Variants in CACNA1B observed in about 807,000 individuals in gnomAD.
CACNA1B encodes voltage-dependent N-type calcium channel subunit alpha-1B.
In CACNA1B, 70 loss-of-function variants were observed where a neutral mutation model predicts 247.2. That is an observed-to-expected ratio of 0.28 (90% confidence interval 0.23 to 0.35). The LOEUF is 0.35. Among genes scored for constraint, CACNA1B ranks in the 10% least tolerant of loss-of-function variants. CACNA1B has a pLI of 1.00. For missense variants in CACNA1B, 2,367 were observed against 3,197.4 expected (o/e 0.74, Z 6.26); for synonymous variants, 1,231 against 1,294.4 (o/e 0.95, Z 1.05).
chr9:138,070,589 T>G (rs1162309451), intron 32 of CACNA1B, among the ~76,000 whole-genome samples: 1 of 152,234 alleles, frequency 6.6e-6, no homozygotes, highest in Non-Finnish European at 1.5e-5. Context: ...TTGAGAGTCG[T>G]GTAAAAGTGA....
At chr9:137,935,761 C>T (rs960660646) in intron 6 of CACNA1B, among the ~76,000 whole-genome samples, 1 of 152,140 alleles carries the variant, frequency 6.6e-6, no homozygotes, top group Non-Finnish European at 1.5e-5. Flanking sequence ...CTCTCCAGCA[C>T]CTGCTGTTTC....
At chr9:138,113,660 C>T (rs544087658) in intron 40 of CACNA1B, among the ~76,000 whole-genome samples, 1 of 125,544 alleles carries the variant, frequency 8.0e-6, no homozygotes, top group Non-Finnish European at 1.7e-5. Context: ...GTGCCCAACT[C>T]CTCCTTGTGG....
At chr9:137,921,712 C>A (rs1957482545) in intron 6 of CACNA1B, among the ~76,000 whole-genome samples, 1 of 146,816 alleles carries the variant, frequency 6.8e-6, no homozygotes, top group Non-Finnish European at 1.5e-5. Flanking sequence ...AGCACCACGA[C>A]CGCACAGCAT....
At chr9:138,021,273 G>C (rs1016161912) in intron 18 of CACNA1B, among the ~76,000 whole-genome samples, 4 of 152,160 alleles carry the variant, frequency 2.6e-5, no homozygotes, top group African/African-American at 9.7e-5. Context: ...TTCAACTGAG[G>C]CTGGGGGTCT....
intron 34 of CACNA1B, among the ~76,000 whole-genome samples, chr9:138,074,981 T>C (rs1697627729): frequency 6.6e-6 from 1 of 152,238 alleles, no homozygotes; most frequent in Non-Finnish European, 1.5e-5. Context: ...TTCTTTATTT[T>C]AGAAAGAACA....
rs564707475 is a variant in CACNA1B at position 138,115,216 on chromosome 9, T to A, written c.5650-336T>A. On this transcript the variant is annotated intron_variant, in intron 41 of 46. Transcript: ENST00000371372. ...AATTCAAGGTGATGATTAGATGGAA[T>A]ATTGTTGCCACCTGTAATCTGGTCC... Among the ~76,000 whole-genome samples, 20 of 152,338 alleles carry A rather than the reference T, an allele frequency of 1.3e-4. No homozygotes were observed. In the South Asian group the frequency reaches 3.7e-3, roughly 28 times the overall value.
rs1187700914 is a variant in CACNA1B, at chr9:137,881,591, G to T, written c.391-1153G>T. Among the ~76,000 whole-genome samples, 1 of 152,208 alleles carries T rather than the reference G, an allele frequency of 6.6e-6. No homozygotes were observed. The highest frequency in any genetic ancestry group is 2.4e-5 in the African/African-American group (1 of 41,466). ...CCTGCTTCCTAAGGCAGCAGCCCTGGAGTGCAGGTGTCCGACACCCCCATG... is the reference window on the plus strand; with the variant it reads ...CCTGCTTCCTAAGGCAGCAGCCCTGTAGTGCAGGTGTCCGACACCCCCATG... On this transcript the variant is annotated intron_variant, in intron 2 of 46. Coordinates refer to ENST00000371372, the MANE Select transcript of CACNA1B (RefSeq NM_000718.4). The surrounding 1 kb of genome is among the most constrained non-coding windows in gnomAD (Gnocchi z 4.3).
intron 11 of CACNA1B, among the ~76,000 whole-genome samples, chr9:137,972,461 C>G (rs565530326): frequency 1.3e-5 from 2 of 152,114 alleles, no homozygotes; most frequent in African/African-American, 4.8e-5. Flanking sequence ...GCCGAGGCAC[C>G]CAGGAAAGCC....
chr9:137,939,378 A>G (rs186570049), intron 6 of CACNA1B, among the ~76,000 whole-genome samples: 25 of 152,332 alleles, frequency 1.6e-4, no homozygotes, highest in African/African-American at 5.5e-4. Context: ...CTGAGACCAC[A>G]GTGGAATAAA....
At chr9:138,095,942 TG>T (rs1253056581) in intron 36 of CACNA1B, among the ~76,000 whole-genome samples, 8 of 28,016 alleles carry the variant, frequency 2.9e-4, no homozygotes, top group Non-Finnish European at 3.2e-4. Context: ...GCCAGGGGGT[TG>T]GGGGGGCGGG....
At position 138,013,241 on chromosome 9, in the gene CACNA1B, G is replaced by C. The variant is rs754377892; in HGVS notation, c.2267+6G>C. 19 of 1,573,752 alleles carry C rather than the reference G, an allele frequency of 1.2e-5. No homozygotes were observed. In the South Asian group the frequency reaches 2.0e-4, roughly 17 times the overall value. ...GCGAACATCTCCATCGCCGCGTAAG[G>C]CTCCTAGGAGTGGATTGTGGGGTGG... On this transcript the variant is annotated splice_donor_region_variant and intron_variant, in intron 18 of 46. Transcript: ENST00000371372.
intron 36 of CACNA1B, among the ~76,000 whole-genome samples, chr9:138,079,690 C>A (rs974434618): frequency 2.0e-5 from 3 of 149,096 alleles, no homozygotes; most frequent in South Asian, 2.1e-4. Flanking sequence ...CTGCAGTGAG[C>A]CGAGATCGCG....
intron 6 of CACNA1B, among the ~76,000 whole-genome samples, chr9:137,920,885 T>G (rs1401341972): frequency 6.6e-6 from 1 of 152,096 alleles, no homozygotes; most frequent in East Asian, 1.9e-4. Context: ...AAAGGGAGAA[T>G]CGGGAGACAC....
At chr9:137,989,293 G>A (rs1011283902) in intron 15 of CACNA1B, among the ~76,000 whole-genome samples, 3 of 152,160 alleles carry the variant, frequency 2.0e-5, no homozygotes, top group Admixed American at 6.5e-5. Flanking sequence ...AGAGTGAACC[G>A]TACGCCGGGT....
At chr9:137,930,533 A>T (rs1484470678) in intron 6 of CACNA1B, among the ~76,000 whole-genome samples, 3 of 152,140 alleles carry the variant, frequency 2.0e-5, no homozygotes, top group Non-Finnish European at 2.9e-5. Flanking sequence ...TTTGATATTT[A>T]TTTTGTGGGC....
intron 36 of CACNA1B, among the ~76,000 whole-genome samples, chr9:138,093,697 G>A (rs1564283026): frequency 2.0e-5 from 3 of 151,686 alleles, no homozygotes; most frequent in South Asian, 4.2e-4. Context: ...CTGAGATCAC[G>A]CCACTGCACT....
intron 40 of CACNA1B, among the ~76,000 whole-genome samples, chr9:138,112,974 G>A (rs1025264608): frequency 6.7e-6 from 1 of 148,350 alleles, no homozygotes; most frequent in African/African-American, 2.5e-5. Flanking sequence ...GCATGGGGAG[G>A]TGCCCAACTG....
At chr9:137,931,471 A>C (rs1007941669) in intron 6 of CACNA1B, among the ~76,000 whole-genome samples, 2 of 151,610 alleles carry the variant, frequency 1.3e-5, no homozygotes, top group African/African-American at 2.4e-5. Context: ...GGATGTGGAG[A>C]GGTGGAGTTT....
Position 137,990,540 on chromosome 9 carries a change from C to T in CACNA1B, c.1974+3686C>T, listed in dbSNP as rs566098921. On this transcript the variant is annotated intron_variant, in intron 15 of 46. Transcript: ENST00000371372. This position sits in a 1 kb window ranked among gnomAD's most constrained non-coding sequence, Gnocchi z 4.5. ...CGCCACCTCCTGGCTGGAGGCCAAC[C>T]AATATAAAACCAGCACACTTAACAA... Among the ~76,000 whole-genome samples, 1 of 152,258 alleles carries T rather than the reference C, an allele frequency of 6.6e-6. No homozygotes were observed. Among genetic ancestry groups the T allele is most frequent in the South Asian group, 2.1e-4 (1 of 4,826 alleles).
Sources: allele counts gnomAD v4.1 joint callset (sites outside exome capture counted in the v4.1 genomes callset), GRCh38; gene constraint gnomAD v4.1.1; non-coding constraint Gnocchi (gnomAD v3.1); transcripts MANE v1.5; gene names NCBI Gene and HGNC (gene_info 2026-07-23, HGNC 2026-07-21).